Variants in BANK1 observed in about 807,000 individuals in gnomAD.
BANK1 encodes the protein B cell scaffold protein with ankyrin repeats 1.
BANK1 carries 95 observed loss-of-function variants against 94.5 expected under a neutral mutation model. The ratio of observed to expected loss-of-function variants is 1.00; its 90% CI spans 0.85 to 1.19. The LOEUF (loss-of-function observed/expected upper bound fraction) is 1.19. Among genes scored for constraint, BANK1 ranks in the 50% most tolerant of loss-of-function variants. The pLI is 0.00. For synonymous variants in BANK1, 334 were observed against 308.4 expected (o/e 1.08, Z -0.87); for missense variants, 987 against 932.2 (o/e 1.06, Z -0.77).
At chr4:101,794,337 G>A (rs1451221127) in intron 1 of BANK1, among the ~76,000 whole-genome samples, 1 of 151,982 alleles carries the variant, frequency 6.6e-6, no homozygotes, top group Non-Finnish European at 1.5e-5. Context: ...TTACTACTGG[G>A]TTAAAACAAA....
intron 1 of BANK1, among the ~76,000 whole-genome samples, chr4:101,811,252 T>C (rs948722615): frequency 6.6e-6 from 1 of 152,200 alleles, no homozygotes; most frequent in Non-Finnish European, 1.5e-5. Context: ...TCTAATCTTT[T>C]TAAAAGGTCA....
At chr4:101,963,322 T>C (rs1003704491) in intron 7 of BANK1, among the ~76,000 whole-genome samples, 1 of 152,200 alleles carries the variant, frequency 6.6e-6, no homozygotes, top group Non-Finnish European at 1.5e-5. Context: ...TATTTACCTG[T>C]ATTAAATTTA....
At chr4:101,929,589 A>G (rs1212349608) in intron 7 of BANK1, among the ~76,000 whole-genome samples, 3 of 151,582 alleles carry the variant, frequency 2.0e-5, no homozygotes, top group Non-Finnish European at 4.4e-5. Context: ...GTTAAACTGT[A>G]ACATTTTCTC....
chr4:101,802,904 A>G (rs1725403613), intron 1 of BANK1, among the ~76,000 whole-genome samples: 1 of 152,188 alleles, frequency 6.6e-6, no homozygotes, highest in Non-Finnish European at 1.5e-5. Context: ...ACAGACTTCC[A>G]TGGCTTTATT....
intron 7 of BANK1, among the ~76,000 whole-genome samples, chr4:102,009,358 G>A (rs769971244): frequency 6.6e-6 from 1 of 152,110 alleles, no homozygotes; most frequent in Non-Finnish European, 1.5e-5. Flanking sequence ...ACTCTCCCAC[G>A]TCCACATTTT....
At chr4:101,812,052 T>G (rs902783076) in intron 1 of BANK1, among the ~76,000 whole-genome samples, 2 of 152,004 alleles carry the variant, frequency 1.3e-5, no homozygotes, top group Admixed American at 1.3e-4. Context: ...TTGAGGTTTT[T>G]TATCAACATT....
Position 102,025,189 on chromosome 4 carries a change from C to T in BANK1, c.1286-12C>T. On this transcript the variant is annotated splice_polypyrimidine_tract_variant and intron_variant, in intron 8 of 16. Transcript: ENST00000322953. ...TGTTTAAATGAAATCATGCAATCTT[C>T]ATCATAAACAGCCACACAGAACCCA... 6.2e-7 allele frequency: 1 copy of T among 1,610,576 alleles called. No homozygotes were observed. The highest frequency in any genetic ancestry group is 8.5e-7 in the Non-Finnish European group (1 of 1,177,418).
In BANK1 at chr4:101,792,441, T is replaced by TTGTGTG. The variant is rs143434251; in HGVS notation, c.70+1515_70+1520dup. Among the ~76,000 whole-genome samples, 47 of 136,806 alleles carry TTGTGTG rather than the reference T, an allele frequency of 3.4e-4. No individual in the cohort carries two copies. In the East Asian group the frequency reaches 7.3e-3, roughly 21 times the overall value. The allele number at this position is 136,806 out of a possible 152,430, so 89.8% of individuals were successfully genotyped here. ...TTCTAGCTTTTATAAATCCAGTGGT[T>TTGTGTG]TGTGTGTGTGTGTGTGTGTGTGTGT... On this transcript the variant is annotated intron_variant, in intron 1 of 16. Transcript: ENST00000322953.
chr4:101,905,893 C>A (rs1267546380), intron 6 of BANK1, among the ~76,000 whole-genome samples: 1 of 152,152 alleles, frequency 6.6e-6, no homozygotes, highest in African/African-American at 2.4e-5. Context: ...ACGTATGGTT[C>A]TCTTGGTCCC....
At chr4:102,071,446 C>G in intron 14 of BANK1, 142 bp downstream of exon 14, 1 of 796,216 alleles carries the variant, frequency 1.3e-6, no homozygotes, top group Non-Finnish European at 2.0e-6. Context: ...TGCAAAACAA[C>G]TTGACATCCA....
chr4:102,014,225 A>G (rs1726615189), intron 7 of BANK1, among the ~76,000 whole-genome samples: 5 of 152,124 alleles, frequency 3.3e-5, no homozygotes. Context: ...TATAGTAAAA[A>G]TTGTTGACTT....
chr4:102,017,769 T>C (rs1193657018), intron 7 of BANK1, among the ~76,000 whole-genome samples: 1 of 152,200 alleles, frequency 6.6e-6, no homozygotes, highest in Non-Finnish European at 1.5e-5. Context: ...TTCATAACTT[T>C]AGTTTTCTAT....
chr4:101,823,134 T>C (rs1726236785), intron 1 of BANK1, among the ~76,000 whole-genome samples: 1 of 152,214 alleles, frequency 6.6e-6, no homozygotes. Context: ...TAAAACCCAT[T>C]TCTAACACAA....
At chr4:102,053,203 G>A (rs1167104037) in intron 11 of BANK1, among the ~76,000 whole-genome samples, 1 of 152,054 alleles carries the variant, frequency 6.6e-6, no homozygotes, top group Non-Finnish European at 1.5e-5. Flanking sequence ...TAGAAAATAC[G>A]ATCAATGACT....
At chr4:102,021,418 T>G (rs1214864591) in intron 7 of BANK1, 96 bp from the exon 8 acceptor site, 3 of 462,030 alleles carry the variant, frequency 6.5e-6, no homozygotes, top group African/African-American at 6.2e-5. Flanking sequence ...TAATATAATA[T>G]TTAAATAAAA....
chr4:101,914,452 A>G (rs1722764439), intron 6 of BANK1, among the ~76,000 whole-genome samples: 1 of 152,062 alleles, frequency 6.6e-6, no homozygotes, highest in Non-Finnish European at 1.5e-5. Flanking sequence ...GCAATGGGAA[A>G]CCAATTTTGA....
At chr4:102,045,481 G>T (rs1271614993) in intron 11 of BANK1, among the ~76,000 whole-genome samples, 1 of 152,036 alleles carries the variant, frequency 6.6e-6, no homozygotes, top group East Asian at 1.9e-4. Context: ...TATTCAATTG[G>T]GAAAAAGAGG....
At chr4:101,792,785 C>T (rs1203147330) in intron 1 of BANK1, among the ~76,000 whole-genome samples, 1 of 152,070 alleles carries the variant, frequency 6.6e-6, no homozygotes, top group Admixed American at 6.6e-5. Flanking sequence ...ATACTGCCAT[C>T]AGAGATTTAT....
intron 5 of BANK1, among the ~76,000 whole-genome samples, chr4:101,889,978 G>A (rs1721789682): frequency 6.6e-6 from 1 of 152,132 alleles, no homozygotes; most frequent in African/African-American, 2.4e-5. Flanking sequence ...ACTTTCCTAT[G>A]ATCTTTCTGT....
Sources: gnomAD v4.1 joint callset for allele counts (sites outside exome capture counted in the v4.1 genomes callset) on GRCh38, gnomAD v4.1.1 for gene constraint, MANE v1.5 for transcripts, NCBI Gene and HGNC (gene_info 2026-07-23, HGNC 2026-07-21) for gene names.